UBE2K: variants seen among roughly 807,000 people sequenced by gnomAD.
UBE2K encodes ubiquitin-conjugating enzyme E2 K.
In UBE2K, 6 loss-of-function variants were observed where a neutral mutation model predicts 30.0. The observed-to-expected ratio is 0.20, with a 90% CI of 0.11 to 0.39. The LOEUF is 0.39. Among genes scored for constraint, UBE2K ranks in the 10% least tolerant of loss-of-function variants. UBE2K has a pLI of 1.00. For missense variants in UBE2K, 61 were observed against 241.6 expected (o/e 0.25, Z 4.96); for synonymous variants, 86 against 83.7 (o/e 1.03, Z -0.15).
chr4:39,767,417 G>A lies in UBE2K; in HGVS notation c.300-7417G>A, dbSNP rs189421299. ...TGACTCATTTCAAGCTCTGCCTCCC[G>A]GATTCACGCCATTCTCCTGCCTCAG... is the stretch of plus-strand genomic sequence containing the variant. On this transcript the variant is annotated intron_variant, in intron 4 of 6. Transcript: ENST00000261427. Among the ~76,000 whole-genome samples the A allele has an allele frequency of 1.3e-3, 199 of 151,506 alleles. 2 individuals are homozygous for A. Among genetic ancestry groups the A allele is most frequent in the Admixed American group, 1.8e-3 (28 of 15,176 alleles).
At chr4:39,712,488 A>G (rs1444681641) in intron 1 of UBE2K, among the ~76,000 whole-genome samples, 1 of 149,738 alleles carries the variant, frequency 6.7e-6, no homozygotes, top group African/African-American at 2.5e-5. Flanking sequence ...GGAGTACAGT[A>G]GCACAATCTT....
chr4:39,731,095 C>T (rs142394084), intron 1 of UBE2K, among the ~76,000 whole-genome samples: 2,704 of 152,156 alleles, frequency 0.018, 82 homozygotes, highest in African/African-American at 0.063. Context: ...AAGCGATTCT[C>T]CTGCCTCAGC....
chr4:39,735,875 C>T (rs1390018762), intron 1 of UBE2K, among the ~76,000 whole-genome samples: 1 of 151,832 alleles, frequency 6.6e-6, no homozygotes, highest in African/African-American at 2.4e-5. Flanking sequence ...TTTTTAAATC[C>T]TATGTTTTTA....
intron 4 of UBE2K, among the ~76,000 whole-genome samples, chr4:39,768,650 G>T (rs941024107): frequency 1.3e-5 from 2 of 152,064 alleles, no homozygotes; most frequent in African/African-American, 4.8e-5. Context: ...TCAAAGTACA[G>T]AGATTACAGG....
intron 2 of UBE2K, among the ~76,000 whole-genome samples, chr4:39,741,783 T>C (rs1437947910): frequency 1.3e-5 from 2 of 152,200 alleles, no homozygotes; most frequent in Admixed American, 1.3e-4. Flanking sequence ...GTTTATGGAA[T>C]CATTGTTGAC....
intron 4 of UBE2K, among the ~76,000 whole-genome samples, chr4:39,759,622 GAAAC>G (rs1279002182): frequency 6.6e-6 from 1 of 152,140 alleles, no homozygotes; most frequent in African/African-American, 2.4e-5. Context: ...GTGCTGTGTG[GAAAC>G]TATTTTCTAA....
chr4:39,745,047 G>A (rs1720918072), intron 2 of UBE2K, among the ~76,000 whole-genome samples: 1 of 151,694 alleles, frequency 6.6e-6, no homozygotes, highest in African/African-American at 2.4e-5. Context: ...TTAAAATAGA[G>A]ACAAGGACTT....
intron 1 of UBE2K, among the ~76,000 whole-genome samples, chr4:39,725,875 T>C (rs1719727354): frequency 6.6e-6 from 1 of 152,032 alleles, no homozygotes; most frequent in Non-Finnish European, 1.5e-5. Flanking sequence ...ACTCCTGGGC[T>C]CAAGCAGTCT....
intron 6 of UBE2K, among the ~76,000 whole-genome samples, chr4:39,778,089 C>A (rs533540956): frequency 2.6e-4 from 25 of 95,564 alleles, no homozygotes; most frequent in Middle Eastern, 8.2e-3. Flanking sequence ...TAGAGCAAGA[C>A]CCTGTCTCAA....
intron 4 of UBE2K, chr4:39,771,222 G>A: frequency 1.9e-6 from 3 of 1,612,492 alleles, no homozygotes; most frequent in Non-Finnish European, 2.5e-6. Flanking sequence ...GCATCAGGGA[G>A]ACCTGCAGCT....
intron 1 of UBE2K, among the ~76,000 whole-genome samples, chr4:39,706,043 G>A (rs959983754): frequency 1.3e-5 from 2 of 151,992 alleles, no homozygotes; most frequent in Admixed American, 6.6e-5. Context: ...ACGGAGTCTC[G>A]CTCTGTCACC....
intron 4 of UBE2K, among the ~76,000 whole-genome samples, chr4:39,766,944 T>C (rs1254840383): frequency 1.3e-5 from 2 of 152,002 alleles, no homozygotes; most frequent in Non-Finnish European, 2.9e-5. Context: ...AGAGATGGTG[T>C]TTTACCATGT....
chr4:39,714,573 A>T (rs1718932127), intron 1 of UBE2K: 2 of 27,026 alleles, frequency 7.4e-5, no homozygotes, highest in Admixed American at 6.9e-4. Context: ...TTTAAGACTG[A>T]GTCTCTCTCT....
At chr4:39,728,667 T>A (rs1335917262) in intron 1 of UBE2K, among the ~76,000 whole-genome samples, 1 of 151,776 alleles carries the variant, frequency 6.6e-6, no homozygotes, top group African/African-American at 2.4e-5. Flanking sequence ...AGACAGAGTC[T>A]CGCTCTGTCC....
chr4:39,738,123 T>C (rs374498660), intron 2 of UBE2K, among the ~76,000 whole-genome samples: 4 of 152,332 alleles, frequency 2.6e-5, no homozygotes, highest in Non-Finnish European at 1.5e-5. Flanking sequence ...CATTTTACTT[T>C]CTTATTAGGT....
intron 1 of UBE2K, among the ~76,000 whole-genome samples, chr4:39,708,326 A>T (rs758154313): frequency 8.5e-5 from 13 of 152,110 alleles, no homozygotes; most frequent in Non-Finnish European, 1.6e-4. Context: ...CACAGCTCTT[A>T]CATACTCAAA....
intron 4 of UBE2K, among the ~76,000 whole-genome samples, chr4:39,763,901 G>C (rs1712139906): frequency 1.3e-5 from 2 of 152,002 alleles, no homozygotes; most frequent in Admixed American, 1.3e-4. Context: ...TACCACACTT[G>C]GCTAATTTTT....
rs556980602 is a variant in UBE2K, at chr4:39,712,511, C to T, written c.63+14121C>T. Among the ~76,000 whole-genome samples, 7 of 151,582 alleles carry T rather than the reference C, an allele frequency of 4.6e-5. No individual in the cohort carries two copies. The South Asian group carries it at 1.5e-3, about 32-fold the overall frequency. On this transcript the variant is annotated intron_variant, in intron 1 of 6. Transcript: ENST00000261427. ...GTAGCACAATCTTGGCTCATTGCAA[C>T]CTCCATCTCCTGTGTTCAAGCAATT...
rs2109423343 is a variant in UBE2K at position 39,780,536 on chromosome 4, A to G, written c.*2102A>G. On this transcript the variant is annotated 3_prime_UTR_variant, in exon 7 of 7. Coordinates refer to ENST00000261427, the MANE Select transcript of UBE2K (RefSeq NM_005339.5). ...ATATCCTGCTTTGATTTTTATGCAC[A>G]TGAGCCCTATAGGGTTATATACTCA... 6.6e-6 allele frequency: 1 copy of G among 152,230 alleles called. No homozygotes were observed. Among genetic ancestry groups the G allele is most frequent in the East Asian group, 1.9e-4 (1 of 5,188 alleles). 9.4% of individuals were successfully genotyped at this position (152,230 alleles called of 1,614,324 possible). A position where few individuals can be genotyped will look rare whatever the true frequency, so the allele number is the denominator to read the frequency against.
Sources: allele counts gnomAD v4.1 joint callset (sites outside exome capture counted in the v4.1 genomes callset), GRCh38; gene constraint gnomAD v4.1.1; transcripts MANE v1.5; gene names NCBI Gene and HGNC (gene_info 2026-07-23, HGNC 2026-07-21).